The following SGCZ variants were observed in gnomAD, a reference collection of about 807,000 sequenced individuals.
SGCZ encodes sarcoglycan zeta.
Under a neutral mutation model 41.3 loss-of-function variants are expected in SGCZ, and 40 were observed. The observed-to-expected ratio is 0.97, with a 90% CI of 0.75 to 1.26. SGCZ has a LOEUF of 1.26. Among genes scored for constraint, SGCZ ranks in the 50% most tolerant of loss-of-function variants. The pLI is 0.00. For synonymous variants in SGCZ, 206 were observed against 137.5 expected (o/e 1.50, Z -3.49); for missense variants, 552 against 369.8 (o/e 1.49, Z -4.04).
intron 1 of SGCZ, among the ~76,000 whole-genome samples, chr8:14,610,974 T>C (rs1805909744): frequency 6.6e-6 from 1 of 152,208 alleles, no homozygotes; most frequent in African/African-American, 2.4e-5. Flanking sequence ...CATTTCCTGT[T>C]TTCTTTGATA....
intron 2 of SGCZ, among the ~76,000 whole-genome samples, chr8:14,454,198 T>A (rs562823464): frequency 2.6e-5 from 4 of 152,288 alleles, no homozygotes; most frequent in South Asian, 2.1e-4. Context: ...ATTTCTAATA[T>A]GTAGGTTAAG....
intron 2 of SGCZ, among the ~76,000 whole-genome samples, chr8:14,453,488 G>A (rs2116932206): frequency 6.6e-6 from 1 of 152,064 alleles, no homozygotes; most frequent in South Asian, 2.1e-4. Flanking sequence ...CAAATAAGTT[G>A]GATTCCAAAA....
chr8:14,369,021 A>ATGTGTCTGTG (rs1554507440), intron 2 of SGCZ, among the ~76,000 whole-genome samples: 5 of 145,418 alleles, frequency 3.4e-5, no homozygotes, highest in Non-Finnish European at 7.6e-5. Flanking sequence ...GCAAATGTAA[A>ATGTGTCTGTG]TGTGTGTGTG....
At chr8:14,999,371 C>T (rs1003739882) in intron 1 of SGCZ, among the ~76,000 whole-genome samples, 1 of 152,026 alleles carries the variant, frequency 6.6e-6, no homozygotes, top group Non-Finnish European at 1.5e-5. Flanking sequence ...AGGATAGTTC[C>T]AAAGAATAAG....
At chr8:14,444,577 C>T (rs1331593343) in intron 2 of SGCZ, among the ~76,000 whole-genome samples, 2 of 150,868 alleles carry the variant, frequency 1.3e-5, no homozygotes, top group Non-Finnish European at 2.9e-5. Context: ...AAACCAAACA[C>T]CACATATTCT....
intron 5 of SGCZ, among the ~76,000 whole-genome samples, chr8:14,134,299 G>T (rs1325373613): frequency 6.6e-6 from 1 of 151,996 alleles, no homozygotes; most frequent in African/African-American, 2.4e-5. Flanking sequence ...AATAATTTTT[G>T]TCCTCCAGAA....
At chr8:14,352,810 A>C (rs1409243219) in intron 2 of SGCZ, among the ~76,000 whole-genome samples, 2 of 152,048 alleles carry the variant, frequency 1.3e-5, no homozygotes, top group East Asian at 3.9e-4. Context: ...TCCTCCCTGT[A>C]AACAACACAT....
rs573789259 is a variant in SGCZ at position 14,494,413 on chromosome 8, T to C, written c.234+60319A>G. 2.0e-5 allele frequency among the ~76,000 whole-genome samples: 3 copies of C among 152,274 alleles called. No homozygotes were observed. In the South Asian group the frequency reaches 6.2e-4, roughly 32 times the overall value. ...TCAGAATCCCATGAGCCAAAAGTTT[T>C]ATGATGAGAGAAGAAGAATGATATT... is the stretch of plus-strand genomic sequence containing the variant. On this transcript the variant is annotated intron_variant, in intron 2 of 7. Coordinates refer to ENST00000382080, the MANE Select transcript of SGCZ (RefSeq NM_139167.4).
At chr8:14,770,061 T>C (rs1800184916) in intron 1 of SGCZ, among the ~76,000 whole-genome samples, 1 of 151,118 alleles carries the variant, frequency 6.6e-6, no homozygotes, top group Non-Finnish European at 1.5e-5. Context: ...TTTTCATTTT[T>C]AATGCCCCAA....
chr8:14,478,917 A>G (rs547671027), intron 2 of SGCZ, among the ~76,000 whole-genome samples: 14 of 152,302 alleles, frequency 9.2e-5, no homozygotes, highest in African/African-American at 2.6e-4. Flanking sequence ...ACCTTCCTGT[A>G]TCTACACCTA....
At chr8:14,544,196 T>G (rs1309110464) in intron 2 of SGCZ, among the ~76,000 whole-genome samples, 4 of 152,118 alleles carry the variant, frequency 2.6e-5, no homozygotes, top group African/African-American at 9.7e-5. Flanking sequence ...TCCCAAATAA[T>G]AATTTTATAA....
At chr8:14,560,268 C>T (rs115727387) in intron 1 of SGCZ, among the ~76,000 whole-genome samples, 2,541 of 152,042 alleles carry the variant, frequency 0.017, 37 homozygotes, top group African/African-American at 0.034. Flanking sequence ...ACCTAATTGT[C>T]CTGATTTGAT....
intron 3 of SGCZ, among the ~76,000 whole-genome samples, chr8:14,268,965 G>A (rs1413809326): frequency 6.6e-6 from 1 of 151,412 alleles, no homozygotes; most frequent in African/African-American, 2.4e-5. Context: ...TGCCATTACA[G>A]GCTAGCAGAA....
chr8:14,640,847 C>A (rs1018883290), intron 1 of SGCZ, among the ~76,000 whole-genome samples: 2 of 151,624 alleles, frequency 1.3e-5, no homozygotes, highest in Non-Finnish European at 3.0e-5. Context: ...GTTCTGAATA[C>A]TCTGGGTATG....
chr8:14,402,705 T>C (rs1437465489), intron 2 of SGCZ, among the ~76,000 whole-genome samples: 1 of 146,706 alleles, frequency 6.8e-6, no homozygotes, highest in Non-Finnish European at 1.5e-5. Context: ...TGTAGTATAG[T>C]TTGAAGTCAG....
At chr8:14,766,810 TCAAA>T (rs1341528372) in intron 1 of SGCZ, among the ~76,000 whole-genome samples, 1 of 147,930 alleles carries the variant, frequency 6.8e-6, no homozygotes, top group Non-Finnish European at 1.5e-5. Flanking sequence ...TCTACTGAGC[TCAAA>T]CAGTCTGCCC....
At chr8:14,630,923 T>C (rs1328107336) in intron 1 of SGCZ, among the ~76,000 whole-genome samples, 6 of 150,972 alleles carry the variant, frequency 4.0e-5, no homozygotes, top group African/African-American at 1.5e-4. Context: ...CTAATGTAAA[T>C]GACGAGTTAA....
chr8:15,054,130 A>C (rs1375043382), intron 1 of SGCZ, among the ~76,000 whole-genome samples: 1 of 152,242 alleles, frequency 6.6e-6, no homozygotes, highest in Non-Finnish European at 1.5e-5. Flanking sequence ...AGATATTGAT[A>C]AGAATCTGTG....
At chr8:15,077,553 T>C (rs1805582908) in intron 1 of SGCZ, among the ~76,000 whole-genome samples, 1 of 152,180 alleles carries the variant, frequency 6.6e-6, no homozygotes, top group South Asian at 2.1e-4. Context: ...AAGAAGGGGT[T>C]TTTTTCCTTC....
Sources: allele counts gnomAD v4.1 joint callset (sites outside exome capture counted in the v4.1 genomes callset), GRCh38; gene constraint gnomAD v4.1.1; transcripts MANE v1.5; gene names NCBI Gene and HGNC (gene_info 2026-07-23, HGNC 2026-07-21).